The following MED19 variants were observed in gnomAD, a reference collection of about 807,000 sequenced individuals.
The protein encoded by MED19 is mediator of RNA polymerase II transcription subunit 19.
In MED19, 4 loss-of-function variants were observed where a neutral mutation model predicts 19.9. The ratio of observed to expected loss-of-function variants is 0.20; its 90% confidence interval spans 0.10 to 0.46. The LOEUF (loss-of-function observed/expected upper bound fraction) is 0.46, where lower values mean the gene tolerates loss of function less well. Among genes scored for constraint, MED19 ranks in the 20% least tolerant of loss-of-function variants. The pLI, the probability that MED19 is intolerant of heterozygous loss-of-function variation, is 0.99. For missense variants in MED19, 303 were observed against 318.7 expected (o/e 0.95, Z 0.38); for synonymous variants, 139 against 119.6 (o/e 1.16, Z -1.06).
exon 5 of MED19, chr11:57,704,009 C>A: frequency 6.5e-7 from 1 of 1,535,404 alleles, no homozygotes; most frequent in East Asian, 2.4e-5. Context: ...GCAGGAAAAG[C>A]CATCCTGGCA....
intron 3 of MED19, 155 bp downstream of exon 3, chr11:57,704,564 C>T: frequency 6.3e-7 from 1 of 1,596,000 alleles, no homozygotes; most frequent in Non-Finnish European, 8.5e-7. Flanking sequence ...CCCAAGAGAC[C>T]ACAGTACATT....
intron 1 of MED19, among the ~76,000 whole-genome samples, chr11:57,709,403 T>A (rs1451040466): frequency 6.6e-6 from 1 of 150,384 alleles, no homozygotes; most frequent in African/African-American, 2.4e-5. Flanking sequence ...AAAAGAGGCA[T>A]CTTGGAGACC....
In MED19 at chr11:57,712,168, G is replaced by A. The variant is rs574590870; in HGVS notation, c.12C>T (p.Phe4=). 7.8e-5 allele frequency: 119 copies of A among 1,528,236 alleles called. 1 individual carries two copies. In the South Asian group the frequency reaches 1.4e-3, roughly 18 times the overall value. The allele number at this position is 1,528,236 out of a possible 1,614,324, so 94.7% of individuals were successfully genotyped here. ...CAGCCTGAGCCCCAAACAGTGCCGT[G>A]AAATTCTCCATCGTACCCTCCGCCC... The change falls in exon 1 of 5, where the codon TTC becomes TTT. Residue 4 remains phenylalanine, a synonymous_variant. Coordinates refer to ENST00000431606, the Ensembl canonical transcript of MED19.
Position 57,704,444 on chromosome 11 carries a change from T to C in MED19, c.572-48A>G, listed in dbSNP as rs767301762. ...ATCACCTGTAAAGCTCAAAATCCTC[T>C]ACTGTTATGAACCACTGAAGACTAC... On this transcript the variant is annotated intron_variant, in intron 3 of 4. Transcript: ENST00000431606. 3.3e-6 allele frequency: 5 copies of C among 1,517,672 alleles called. No individual in the cohort carries two copies. In the African/African-American group the frequency reaches 7.6e-5, roughly 23 times the overall value. The allele number at this position is 1,517,672 out of a possible 1,614,324, so 94.0% of individuals were successfully genotyped here.
At chr11:57,708,100 C>CTAGG in intron 1 of MED19, among the ~76,000 whole-genome samples, 1 of 151,882 alleles carries the variant, frequency 6.6e-6, no homozygotes, top group African/African-American at 2.4e-5. Context: ...TCCCAAAGTG[C>CTAGG]TAGGATTACA....
chr11:57,711,856 A>G (rs1001921971), intron 1 of MED19, 107 bp downstream of exon 1: 2 of 1,228,156 alleles, frequency 1.6e-6, no homozygotes, highest in Non-Finnish European at 1.1e-6. Context: ...CAGTCCGGGT[A>G]TGCGTTGCCT....
At chr11:57,712,054 C>T (rs1009251801) in exon 1 of MED19, 22 of 1,532,930 alleles carry the variant, frequency 1.4e-5, no homozygotes, top group Non-Finnish European at 1.8e-5. Context: ...GAGGCGGGGC[C>T]GTGCCGGGTC....
At chr11:57,712,019 C>G in exon 1 of MED19, 3 of 1,534,846 alleles carry the variant, frequency 2.0e-6, no homozygotes, top group South Asian at 1.2e-5. Context: ...CTTGTCCGCG[C>G]CAGGAGGAGC....
chr11:57,708,799 T>G (rs1441037761), intron 1 of MED19, among the ~76,000 whole-genome samples: 1 of 152,152 alleles, frequency 6.6e-6, no homozygotes, highest in African/African-American at 2.4e-5. Context: ...GTCAACTGAC[T>G]GATACAAATA....
intron 3 of MED19, 130 bp downstream of exon 3, chr11:57,704,589 G>A: frequency 6.2e-7 from 1 of 1,606,348 alleles, no homozygotes; most frequent in Non-Finnish European, 8.5e-7. Flanking sequence ...TCTTCTTCAG[G>A]GGAATTTAGG....
chr11:57,703,907 C>A, exon 5 of MED19: 1 of 1,390,064 alleles, frequency 7.2e-7, no homozygotes, highest in Non-Finnish European at 9.5e-7. Flanking sequence ...CAACTGAGCC[C>A]AACAGGAGCT....
intron 1 of MED19, 56 bp from the exon 2 acceptor site, chr11:57,705,285 G>A: frequency 3.2e-6 from 5 of 1,571,134 alleles, no homozygotes; most frequent in Non-Finnish European, 4.3e-6. Context: ...GACCCAGGGA[G>A]TGAAGGACTA....
At chr11:57,710,585 C>T (rs1479529217) in intron 1 of MED19, among the ~76,000 whole-genome samples, 2 of 152,208 alleles carry the variant, frequency 1.3e-5, no homozygotes, top group African/African-American at 4.8e-5. Context: ...ACAATTGTCT[C>T]TCCCTCCTGT....
intron 1 of MED19, among the ~76,000 whole-genome samples, chr11:57,709,395 AAG>A (rs1555011869): frequency 6.6e-6 from 1 of 151,892 alleles, no homozygotes; most frequent in Non-Finnish European, 1.5e-5. Flanking sequence ...AAAAAAAAAA[AAG>A]AGGCATCTTG....
intron 1 of MED19, among the ~76,000 whole-genome samples, chr11:57,709,483 G>A (rs979368997): frequency 2.6e-5 from 4 of 151,358 alleles, no homozygotes; most frequent in Admixed American, 6.6e-5. Flanking sequence ...CCAAGTCTCC[G>A]TACCCATACA....
chr11:57,705,073 C>T lies in MED19; in HGVS notation c.374G>A (p.Ser125Asn), dbSNP rs764437515. The change falls in exon 2 of 5, where the codon AGC (serine) becomes AAC (asparagine). Residue 125 changes from serine to asparagine, a missense_variant. Coordinates refer to ENST00000431606, the Ensembl canonical transcript of MED19. Reference sequence around the variant, plus strand: ...CTTCTCAATGAGAGAGCGGAGGCTGCTGTTATCATGGGAACCAGGCAGATC... The same window carrying T: ...CTTCTCAATGAGAGAGCGGAGGCTGTTGTTATCATGGGAACCAGGCAGATC... 5.0e-6 allele frequency: 8 copies of T among 1,614,164 alleles called. No individual in the cohort carries two copies. In the South Asian group the frequency reaches 8.8e-5, roughly 18 times the overall value.
At chr11:57,704,838 C>A in intron 2 of MED19, 23 bp from the exon 3 acceptor site, 1 of 1,612,886 alleles carries the variant, frequency 6.2e-7, no homozygotes, top group Non-Finnish European at 8.5e-7. Context: ...AAGGAAGGTC[C>A]AGGTGAGTAG....
At chr11:57,711,691 G>A (rs1011148447) in intron 1 of MED19, among the ~76,000 whole-genome samples, 1 of 152,122 alleles carries the variant, frequency 6.6e-6, no homozygotes, top group East Asian at 1.9e-4. Flanking sequence ...CCAGTGTCAG[G>A]GACACAGCCT....
intron 3 of MED19, 40 bp downstream of exon 3, chr11:57,704,679 T>TG (rs770806346): frequency 3.8e-5 from 59 of 1,554,234 alleles, no homozygotes; most frequent in Non-Finnish European, 5.1e-5. Context: ...GTTTTTTTTT[T>TG]TTTTTTTTTT....
Sources: allele counts gnomAD v4.1 joint callset (sites outside exome capture counted in the v4.1 genomes callset), GRCh38; gene constraint gnomAD v4.1.1; transcripts MANE v1.5; gene names NCBI Gene and HGNC (gene_info 2026-07-23, HGNC 2026-07-21).